The following CCSER1 variants were observed in gnomAD, a reference collection of about 807,000 sequenced individuals.
CCSER1 encodes the protein serine-rich coiled-coil domain-containing protein 1.
In CCSER1, 41 loss-of-function variants were observed where a neutral mutation model predicts 82.0. The ratio of observed to expected loss-of-function variants is 0.50; its 90% CI spans 0.39 to 0.65. CCSER1 has a LOEUF of 0.65. Ranked by LOEUF, CCSER1 falls within the 30% of genes least tolerant of loss-of-function variation. The pLI is 0.00. For missense variants in CCSER1, 1,119 were observed against 1,064.2 expected (o/e 1.05, Z -0.72); for synonymous variants, 414 against 383.9 (o/e 1.08, Z -0.92).
intron 10 of CCSER1, among the ~76,000 whole-genome samples, chr4:91,146,509 T>C (rs771701784): frequency 2.6e-5 from 4 of 152,192 alleles, no homozygotes; most frequent in Non-Finnish European, 4.4e-5. Context: ...TTTTGAACTG[T>C]TGGCGTTTTT....
At chr4:91,522,666 T>G (rs1246889992) in intron 10 of CCSER1, among the ~76,000 whole-genome samples, 2 of 152,158 alleles carry the variant, frequency 1.3e-5, no homozygotes, top group East Asian at 3.9e-4. Flanking sequence ...ATGATTTGGC[T>G]CTCTGTTTGT....
At chr4:90,640,585 A>C (rs1726316839) in intron 6 of CCSER1, among the ~76,000 whole-genome samples, 1 of 152,096 alleles carries the variant, frequency 6.6e-6, no homozygotes. Flanking sequence ...TCCCCACCCA[A>C]ATCTCATCTT....
chr4:91,591,450 TTTA>T (rs2110340857), intron 10 of CCSER1, among the ~76,000 whole-genome samples: 1 of 152,168 alleles, frequency 6.6e-6, no homozygotes, highest in African/African-American at 2.4e-5. Flanking sequence ...ATTTGTTTTG[TTTA>T]TAATGCCTCA....
rs1336891470 is a variant in CCSER1, at chr4:91,548,950, G to GT, written c.2218-49615dup. The stretch of plus-strand genomic sequence containing the variant: ...CATTATTCCTTAAAATATTGCTTCT[G>GT]TTTTTTTCTCTCATGCTTCTCCTTC... On this transcript the variant is annotated intron_variant, in intron 10 of 10. Transcript: ENST00000509176. 9.2e-5 allele frequency among the ~76,000 whole-genome samples: 14 copies of GT among 151,872 alleles called. No homozygotes were observed. In the East Asian group the frequency reaches 1.8e-3, roughly 19 times the overall value.
intron 4 of CCSER1, among the ~76,000 whole-genome samples, chr4:90,414,325 C>G (rs1755470608): frequency 6.6e-6 from 1 of 151,412 alleles, no homozygotes; most frequent in African/African-American, 2.4e-5. Flanking sequence ...ATTATATTTT[C>G]TTGAGTTTCT....
chr4:91,158,071 T>A (rs1730996261), intron 10 of CCSER1, among the ~76,000 whole-genome samples: 1 of 152,106 alleles, frequency 6.6e-6, no homozygotes, highest in African/African-American at 2.4e-5. Context: ...ACTGTCTTTG[T>A]GATTTGAAAG....
At chr4:91,152,018 CT>C (rs112299201) in intron 10 of CCSER1, among the ~76,000 whole-genome samples, 2 of 152,146 alleles carry the variant, frequency 1.3e-5, no homozygotes, top group African/African-American at 4.8e-5. Context: ...AGTTCAATTC[CT>C]GGATATCTTT....
At chr4:91,451,889 G>A (rs1755889670) in intron 10 of CCSER1, among the ~76,000 whole-genome samples, 1 of 151,992 alleles carries the variant, frequency 6.6e-6, no homozygotes, top group South Asian at 2.1e-4. Context: ...TTATCGAGAA[G>A]TAAACATTTC....
chr4:90,405,953 G>GAA (rs112348786), intron 4 of CCSER1, among the ~76,000 whole-genome samples: 1 of 146,136 alleles, frequency 6.8e-6, no homozygotes, highest in African/African-American at 2.5e-5. Flanking sequence ...GTAACAAAAT[G>GAA]AAAAAAAAAA....
At chr4:91,249,902 A>C (rs1302405447) in intron 10 of CCSER1, among the ~76,000 whole-genome samples, 1 of 151,952 alleles carries the variant, frequency 6.6e-6, no homozygotes, top group African/African-American at 2.4e-5. Flanking sequence ...AATTCTTGAC[A>C]CATAGTAAGT....
At position 90,827,883 on chromosome 4, in the gene CCSER1, GAGATTTATCATTCTT is replaced by G. The variant is rs200068206; in HGVS notation, c.2094+12040_2094+12054del. 5.1e-4 allele frequency among the ~76,000 whole-genome samples: 78 copies of G among 152,264 alleles called. 1 individual carries two copies. The East Asian group carries it at 0.013, about 25-fold the overall frequency. On this transcript the variant is annotated intron_variant, in intron 8 of 10. Coordinates refer to ENST00000509176, the MANE Select transcript of CCSER1 (RefSeq NM_001145065.2). ...ACAACTGAATACCCTAAAACCAAGTGAGATTTATCATTCTTATATACCCTGGTTATAGAGCCGAGG... is the reference window on the plus strand; with the variant it reads ...ACAACTGAATACCCTAAAACCAAGTGATATACCCTGGTTATAGAGCCGAGG...
At chr4:90,815,262 C>T (rs1366800168) in intron 7 of CCSER1, among the ~76,000 whole-genome samples, 2 of 152,054 alleles carry the variant, frequency 1.3e-5, no homozygotes, top group Non-Finnish European at 2.9e-5. Context: ...GAAACCACCC[C>T]CATGATCCAA....
chr4:90,249,364 G>A (rs533838897), intron 1 of CCSER1, among the ~76,000 whole-genome samples: 2 of 152,246 alleles, frequency 1.3e-5, no homozygotes, highest in East Asian at 3.9e-4. Flanking sequence ...TGTTAAACAA[G>A]TCAACCATTT....
Position 91,198,718 on chromosome 4 carries a change from C to T in CCSER1, c.2217+112724C>T, listed in dbSNP as rs191356096. ...AATTTATTTTTCAAAGTTTTGAGGA[C>T]GTGGTGGAAAATTAGCCCCAGATAT... On this transcript the variant is annotated intron_variant, in intron 10 of 10. Coordinates refer to ENST00000509176, the MANE Select transcript of CCSER1 (RefSeq NM_001145065.2). 6.6e-5 allele frequency among the ~76,000 whole-genome samples: 10 copies of T among 152,060 alleles called. No individual in the cohort carries two copies. In the East Asian group the frequency reaches 1.5e-3, roughly 24 times the overall value.
chr4:91,049,338 C>T (rs770879458), intron 9 of CCSER1, among the ~76,000 whole-genome samples: 1 of 152,106 alleles, frequency 6.6e-6, no homozygotes, highest in Non-Finnish European at 1.5e-5. Context: ...TTACATGTCA[C>T]ATGCTTGTGA....
chr4:91,095,251 C>T (rs546209774), intron 10 of CCSER1, among the ~76,000 whole-genome samples: 2 of 152,296 alleles, frequency 1.3e-5, no homozygotes, highest in African/African-American at 4.8e-5. Context: ...TTTTGCTGTG[C>T]GTCACCTTGC....
chr4:90,955,408 T>C (rs1165369508), intron 9 of CCSER1, among the ~76,000 whole-genome samples: 1 of 152,154 alleles, frequency 6.6e-6, no homozygotes, highest in Non-Finnish European at 1.5e-5. Context: ...TGAAGGAAAT[T>C]GGACCAATGA....
chr4:90,288,897 C>T (rs13147804), intron 1 of CCSER1, among the ~76,000 whole-genome samples: 57,897 of 151,514 alleles, frequency 0.38, 11,173 homozygotes, highest in Middle Eastern at 0.48. Context: ...TTTCTAAAAA[C>T]CTCTAGTGTA....
chr4:90,995,673 A>G (rs1737429239), intron 9 of CCSER1, among the ~76,000 whole-genome samples: 1 of 152,108 alleles, frequency 6.6e-6, no homozygotes, highest in Non-Finnish European at 1.5e-5. Flanking sequence ...TATGAACTCA[A>G]ATCAAAATGC....
Sources: gnomAD v4.1 joint callset for allele counts (sites outside exome capture counted in the v4.1 genomes callset) on GRCh38, gnomAD v4.1.1 for gene constraint, MANE v1.5 for transcripts, NCBI Gene and HGNC (gene_info 2026-07-23, HGNC 2026-07-21) for gene names.